Variants in ARHGAP31 observed in about 807,000 individuals in gnomAD.
ARHGAP31 encodes the protein rho GTPase-activating protein 31.
ARHGAP31 carries 34 observed loss-of-function variants against 113.9 expected under a neutral mutation model. That is an observed-to-expected ratio of 0.30 (90% CI 0.23 to 0.40). The LOEUF is 0.40. ARHGAP31 is among the 10% of genes least tolerant of loss of function. The pLI is 1.00. For missense variants in ARHGAP31, 1,548 were observed against 1,767.1 expected (o/e 0.88, Z 2.22); for synonymous variants, 650 against 684.8 (o/e 0.95, Z 0.79).
intron 1 of ARHGAP31, among the ~76,000 whole-genome samples, chr3:119,319,134 G>A (rs748991377): frequency 6.6e-6 from 1 of 150,940 alleles, no homozygotes; most frequent in Non-Finnish European, 1.5e-5. Context: ...CGGCTCAAAC[G>A]CATTTTCAAC....
At chr3:119,309,331 C>T (rs2079658006) in intron 1 of ARHGAP31, among the ~76,000 whole-genome samples, 1 of 152,174 alleles carries the variant, frequency 6.6e-6, no homozygotes, top group Non-Finnish European at 1.5e-5. Flanking sequence ...ATGTGTTCAG[C>T]CTTGCTGACT....
At chr3:119,321,958 T>A (rs865902618) in intron 1 of ARHGAP31, among the ~76,000 whole-genome samples, 1 of 152,216 alleles carries the variant, frequency 6.6e-6, no homozygotes, top group Non-Finnish European at 1.5e-5. Context: ...CGGCCCATAG[T>A]AGTTTATCAT....
chr3:119,305,214 A>G (rs2079620845), intron 1 of ARHGAP31, among the ~76,000 whole-genome samples: 1 of 152,210 alleles, frequency 6.6e-6, no homozygotes, highest in African/African-American at 2.4e-5. Flanking sequence ...CAGCTATGCT[A>G]GCAGTAAAAC....
At chr3:119,408,338 C>T (rs1325561559) in intron 10 of ARHGAP31, among the ~76,000 whole-genome samples, 1 of 152,202 alleles carries the variant, frequency 6.6e-6, no homozygotes, top group African/African-American at 2.4e-5. Flanking sequence ...GGAAATACCA[C>T]TATTGTGAAT....
Position 119,294,823 on chromosome 3 carries a change from A to G in ARHGAP31, c.-82A>G. 1.5e-6 allele frequency: 2 copies of G among 1,320,418 alleles called. No individual in the cohort carries two copies. Among genetic ancestry groups the G allele is most frequent in the Non-Finnish European group, 2.2e-6 (2 of 915,448 alleles). The allele number at this position is 1,320,418 out of a possible 1,614,324, so 81.8% of individuals were successfully genotyped here. On this transcript the variant is annotated 5_prime_UTR_variant, in exon 1 of 12. It removes the in-frame stop codon of an upstream open reading frame in the 5' UTR. Transcript: ENST00000264245. ...CCCCAGAGCCGCGGGGCAGCCGGTGATCTAGCCCGGGAGCCCATCTTACAG... is the reference window on the plus strand; with the variant it reads ...CCCCAGAGCCGCGGGGCAGCCGGTGGTCTAGCCCGGGAGCCCATCTTACAG...
chr3:119,306,233 C>G lies in ARHGAP31; in HGVS notation c.100+11229C>G, dbSNP rs1386341365. ...ACTCTTCAAATCCAGTTTTGGACTC[C>G]TTGAGACAAAATGGACATCTAGTAA... is the stretch of plus-strand genomic sequence containing the variant. On this transcript the variant is annotated intron_variant, in intron 1 of 11. Coordinates refer to ENST00000264245, the MANE Select transcript of ARHGAP31 (RefSeq NM_020754.4). 3.3e-5 allele frequency among the ~76,000 whole-genome samples: 5 copies of G among 152,062 alleles called. No individual in the cohort carries two copies. In the East Asian group the frequency reaches 9.6e-4, roughly 29 times the overall value.
Position 119,320,284 on chromosome 3 carries a change from G to T in ARHGAP31, c.100+25280G>T, listed in dbSNP as rs568883311. 3.3e-4 allele frequency among the ~76,000 whole-genome samples: 50 copies of T among 152,246 alleles called. 1 individual carries two copies. Among genetic ancestry groups the T allele is most frequent in the East Asian group, 1.7e-3 (9 of 5,188 alleles). On this transcript the variant is annotated intron_variant, in intron 1 of 11. Coordinates refer to ENST00000264245, the MANE Select transcript of ARHGAP31 (RefSeq NM_020754.4). ...TACATAAAGATCTCCAGGGATACAG[G>T]GCACTTAGACATGAGGCTTTCTTGA...
chr3:119,390,481 G>A (rs1196150115), intron 6 of ARHGAP31, among the ~76,000 whole-genome samples: 2 of 152,226 alleles, frequency 1.3e-5, no homozygotes, highest in African/African-American at 4.8e-5. Context: ...GGCTCACAGT[G>A]AGTGTTCAAT....
chr3:119,352,669 C>G (rs1451102800), intron 1 of ARHGAP31, among the ~76,000 whole-genome samples: 2 of 152,170 alleles, frequency 1.3e-5, no homozygotes, highest in Non-Finnish European at 2.9e-5. Context: ...AGGGTTGGCC[C>G]TGATGAGGAA....
intron 10 of ARHGAP31, among the ~76,000 whole-genome samples, chr3:119,408,319 T>C (rs1279234163): frequency 6.6e-6 from 1 of 152,216 alleles, no homozygotes; most frequent in Non-Finnish European, 1.5e-5. Context: ...TGCAAAGTGA[T>C]GGGCAAAAGG....
At chr3:119,337,301 G>C (rs1025992223) in intron 1 of ARHGAP31, among the ~76,000 whole-genome samples, 2 of 152,106 alleles carry the variant, frequency 1.3e-5, no homozygotes, top group African/African-American at 2.4e-5. Context: ...AGACCTTTGC[G>C]TTGAGTGTTA....
At chr3:119,380,017 C>T (rs1167987457) in intron 3 of ARHGAP31, among the ~76,000 whole-genome samples, 1 of 152,154 alleles carries the variant, frequency 6.6e-6, no homozygotes, top group Non-Finnish European at 1.5e-5. Context: ...TGCAGCAACC[C>T]CCAGCATTCG....
At chr3:119,309,617 A>G (rs2079661195) in intron 1 of ARHGAP31, among the ~76,000 whole-genome samples, 1 of 151,976 alleles carries the variant, frequency 6.6e-6, no homozygotes, top group Admixed American at 6.5e-5. Context: ...AATATTAGCC[A>G]GGCATGGTGG....
intron 3 of ARHGAP31, among the ~76,000 whole-genome samples, chr3:119,379,525 G>A (rs575383483): frequency 6.6e-6 from 1 of 152,328 alleles, no homozygotes; most frequent in East Asian, 1.9e-4. Context: ...GGTGAGCAAC[G>A]TAAGAAAACC....
At position 119,393,370 on chromosome 3, in the gene ARHGAP31, A is replaced by G; in HGVS notation, c.882-97A>G. On this transcript the variant is annotated intron_variant, in intron 7 of 11. Transcript: ENST00000264245. ...ATTTCTTGAAATATCAGAGCCATTCATAACTGAGGACATAACTGGAATATT... is the reference window on the plus strand; with the variant it reads ...ATTTCTTGAAATATCAGAGCCATTCGTAACTGAGGACATAACTGGAATATT... 5.4e-6 allele frequency: 8 copies of G among 1,475,802 alleles called. No individual in the cohort carries two copies. The Admixed American group carries it at 6.7e-5, about 12-fold the overall frequency. The allele number at this position is 1,475,802 out of a possible 1,614,324, so 91.4% of individuals were successfully genotyped here.
At chr3:119,344,920 T>C (rs956466441) in intron 1 of ARHGAP31, among the ~76,000 whole-genome samples, 23 of 152,306 alleles carry the variant, frequency 1.5e-4, no homozygotes, top group African/African-American at 5.3e-4. Flanking sequence ...GTTTTGTTTA[T>C]TTTTATTTCT....
intron 1 of ARHGAP31, among the ~76,000 whole-genome samples, chr3:119,344,515 G>A (rs115109085): frequency 0.016 from 2,493 of 152,270 alleles, 74 homozygotes; most frequent in African/African-American, 0.056. Flanking sequence ...ACTAATGGAG[G>A]ACCAAAGCCC....
intron 1 of ARHGAP31, among the ~76,000 whole-genome samples, chr3:119,295,757 T>G (rs2079529469): frequency 1.4e-5 from 2 of 142,782 alleles, no homozygotes; most frequent in African/African-American, 2.6e-5. Flanking sequence ...CAGATGGGGG[T>G]AGGGGGGAGT....
At chr3:119,357,884 T>C (rs2080171765) in intron 1 of ARHGAP31, among the ~76,000 whole-genome samples, 1 of 152,242 alleles carries the variant, frequency 6.6e-6, no homozygotes, top group East Asian at 1.9e-4. Flanking sequence ...ATAACATCAC[T>C]CTTTATGCAT....
Sources: allele counts gnomAD v4.1 joint callset (sites outside exome capture counted in the v4.1 genomes callset), GRCh38; gene constraint gnomAD v4.1.1; transcripts MANE v1.5; gene names NCBI Gene and HGNC (gene_info 2026-07-23, HGNC 2026-07-21).